Variants in LOC131768270 observed in about 807,000 individuals in gnomAD.
the LOC131768270 span, chr5:140,567,503 C>A: frequency 6.2e-7 from 1 of 1,614,190 alleles, no homozygotes; most frequent in Non-Finnish European, 8.5e-7. Context: ...TTACATGGAC[C>A]CCAGCACCTA....
chr5:140,567,932 C>T, the LOC131768270 span: 3 of 1,614,084 alleles, frequency 1.9e-6, no homozygotes, highest in Admixed American at 1.7e-5. Flanking sequence ...ATGGGCAGCA[C>T]TCGTGGTGCT....
chr5:140,566,771 G>T, the LOC131768270 span: 2 of 599,530 alleles, frequency 3.3e-6, no homozygotes, highest in Non-Finnish European at 5.9e-6. Flanking sequence ...AGCTCTAGGT[G>T]CCATGGAAGA....
the LOC131768270 span, chr5:140,568,590 C>G: frequency 9.1e-6 from 2 of 219,386 alleles, no homozygotes; most frequent in South Asian, 7.3e-5. Flanking sequence ...TGGTGCATGA[C>G]TCTTCCATAA....
chr5:140,567,833 C>G, the LOC131768270 span: 2 of 1,614,134 alleles, frequency 1.2e-6, no homozygotes, highest in Non-Finnish European at 1.7e-6. Context: ...ACTTCAGAAC[C>G]TCTTCCTCTA....
the LOC131768270 span, chr5:140,566,658 G>C: frequency 2.0e-6 from 1 of 492,700 alleles, no homozygotes. Context: ...GGGCTTTGCT[G>C]TGGGCACCTG....
At chr5:140,567,661 C>G in the LOC131768270 span, 1 of 1,614,082 alleles carries the variant, frequency 6.2e-7, no homozygotes, top group East Asian at 2.2e-5. Context: ...TTCAAGTTCC[C>G]GGGAACACCC....
At chr5:140,567,770 T>G in the LOC131768270 span, 18 of 1,614,012 alleles carry the variant, frequency 1.1e-5, no homozygotes, top group Non-Finnish European at 1.5e-5. Context: ...CATCTCAGGC[T>G]TGTCGTCAGT....
the LOC131768270 span, chr5:140,567,514 C>T: frequency 1.7e-4 from 278 of 1,614,144 alleles, 1 homozygote; most frequent in East Asian, 5.5e-3. Context: ...CCAGCACCTA[C>T]CAGGTGCTGA....
At chr5:140,567,885 G>A in the LOC131768270 span, 7 of 1,614,096 alleles carry the variant, frequency 4.3e-6, no homozygotes, top group Admixed American at 1.2e-4. Flanking sequence ...CATGCTGGCG[G>A]CGGCTCTGGC....
At chr5:140,567,132 C>A in the LOC131768270 span, 1 of 1,613,944 alleles carries the variant, frequency 6.2e-7, no homozygotes, top group East Asian at 2.2e-5. Flanking sequence ...GTGTTGCAAT[C>A]CCTGCTGCCC....
the LOC131768270 span, chr5:140,566,773 C>A: frequency 1.7e-6 from 1 of 599,372 alleles, no homozygotes; most frequent in South Asian, 2.0e-5. Flanking sequence ...CTCTAGGTGC[C>A]ATGGAAGAGG....
chr5:140,566,706 A>G, the LOC131768270 span: 1 of 576,454 alleles, frequency 1.7e-6, no homozygotes, highest in Non-Finnish European at 3.1e-6. Context: ...TGCTGTGCCC[A>G]ACGTGGAGAA....
chr5:140,567,580 CCT>C, the LOC131768270 span: 3 of 1,614,248 alleles, frequency 1.9e-6, no homozygotes, highest in East Asian at 2.2e-5. Flanking sequence ...TCCGGCACCG[CCT>C]CTCTGTGCGT....
chr5:140,569,078 G>A, the LOC131768270 span: 1 of 167,046 alleles, frequency 6.0e-6, no homozygotes, highest in Non-Finnish European at 1.5e-5. Context: ...TAGGCTGTAG[G>A]GTGGTTCCTA....
the LOC131768270 span, chr5:140,568,660 A>G: frequency 5.4e-6 from 1 of 183,702 alleles, no homozygotes; most frequent in Admixed American, 6.2e-5. Context: ...TTATACAACC[A>G]TTACCCAAAC....
the LOC131768270 span, chr5:140,568,095 C>T: frequency 6.2e-7 from 1 of 1,613,924 alleles, no homozygotes; most frequent in Non-Finnish European, 8.5e-7. Flanking sequence ...TTCTTCCTGG[C>T]CACATTGCTC....
At chr5:140,567,766 A>G in the LOC131768270 span, 1 of 1,613,948 alleles carries the variant, frequency 6.2e-7, no homozygotes, top group African/African-American at 1.3e-5. Flanking sequence ...GCCTCATCTC[A>G]GGCTTGTCGT....
chr5:140,568,437 T>C, the LOC131768270 span: 5 of 458,308 alleles, frequency 1.1e-5, no homozygotes, highest in Non-Finnish European at 2.0e-5. Context: ...GCCTGAGAAA[T>C]AACCCCATCC....
chr5:140,567,280 GGCACTGTGCCATGTGGAC>G, the LOC131768270 span: 1 of 1,614,156 alleles, frequency 6.2e-7, no homozygotes, highest in Non-Finnish European at 8.5e-7. Flanking sequence ...CCCCATTGCT[GGCACTGTGCCATGTGGAC>G]GGCCGAGTGC....
Sources: allele counts gnomAD v4.1 joint callset, GRCh38; gene constraint gnomAD v4.1.1; transcripts MANE v1.5.